SLIT3: variants seen among roughly 807,000 people sequenced by gnomAD.
SLIT3 encodes slit homolog 3 protein.
In SLIT3, 68 loss-of-function variants were observed where a neutral mutation model predicts 184.0. The ratio of observed to expected loss-of-function variants is 0.37; its 90% CI spans 0.30 to 0.45. The LOEUF (loss-of-function observed/expected upper bound fraction) is 0.45. Ranked by LOEUF, SLIT3 falls within the 20% of genes least tolerant of loss-of-function variation. The pLI is 1.00. For synonymous variants in SLIT3, 831 were observed against 828.6 expected (o/e 1.00, Z -0.05); for missense variants, 1,707 against 2,026.0 (o/e 0.84, Z 3.02).
intron 4 of SLIT3, among the ~76,000 whole-genome samples, chr5:169,025,510 T>C (rs1357590186): frequency 6.6e-6 from 1 of 152,186 alleles, no homozygotes; most frequent in Non-Finnish European, 1.5e-5. Flanking sequence ...ATCTTGTTCT[T>C]TCATGAACAT....
chr5:168,925,673 A>G (rs1761796661), intron 4 of SLIT3, among the ~76,000 whole-genome samples: 1 of 152,110 alleles, frequency 6.6e-6, no homozygotes, highest in Non-Finnish European at 1.5e-5. Context: ...TTAAAAAAAA[A>G]AAAAAAAGAG....
intron 3 of SLIT3, among the ~76,000 whole-genome samples, chr5:169,240,568 G>C (rs1444481574): frequency 8.3e-6 from 1 of 120,824 alleles, no homozygotes; most frequent in African/African-American, 3.1e-5. Flanking sequence ...GTGTTTTCAT[G>C]CTATCATTTT....
intron 4 of SLIT3, chr5:169,036,427 TG>T (rs1346960453): frequency 6.6e-6 from 1 of 152,228 alleles, no homozygotes; most frequent in Non-Finnish European, 1.5e-5. Context: ...CCTCCAATTA[TG>T]CATCAAATTC....
chr5:168,702,090 G>C (rs771567067), intron 26 of SLIT3, among the ~76,000 whole-genome samples: 1 of 152,226 alleles, frequency 6.6e-6, no homozygotes, highest in Non-Finnish European at 1.5e-5. Context: ...TTCTTGGAGG[G>C]GGACAGGGAG....
chr5:168,766,141 AT>A (rs1296266811), intron 14 of SLIT3, among the ~76,000 whole-genome samples: 6 of 152,158 alleles, frequency 3.9e-5, no homozygotes, highest in Non-Finnish European at 7.4e-5. Context: ...AACGGTATGC[AT>A]TTTGTATCAT....
At chr5:168,973,418 T>A (rs1425860168) in intron 4 of SLIT3, among the ~76,000 whole-genome samples, 3 of 152,134 alleles carry the variant, frequency 2.0e-5, no homozygotes, top group South Asian at 2.1e-4. Flanking sequence ...CAGCTCATTT[T>A]TCTATTTTTA....
chr5:168,771,289 T>C (rs1213260782), intron 14 of SLIT3, among the ~76,000 whole-genome samples: 1 of 152,098 alleles, frequency 6.6e-6, no homozygotes, highest in Non-Finnish European at 1.5e-5. Flanking sequence ...CTGAGGACAG[T>C]GTTCAGGGAG....
chr5:169,173,932 C>A (rs932840514), intron 4 of SLIT3, among the ~76,000 whole-genome samples: 2 of 152,202 alleles, frequency 1.3e-5, no homozygotes, highest in Non-Finnish European at 2.9e-5. Context: ...AGACCCCAGG[C>A]CCCATCCACA....
At chr5:169,132,936 G>A (rs1273094213) in intron 4 of SLIT3, among the ~76,000 whole-genome samples, 1 of 152,128 alleles carries the variant, frequency 6.6e-6, no homozygotes, top group African/African-American at 2.4e-5. Context: ...ATGACTTTTG[G>A]TATTATTTTT....
intron 4 of SLIT3, among the ~76,000 whole-genome samples, chr5:169,008,693 G>T (rs1756027084): frequency 6.6e-6 from 1 of 152,080 alleles, no homozygotes; most frequent in South Asian, 2.1e-4. Context: ...TAGAGACAGG[G>T]TCTCCGTATG....
At chr5:169,232,751 C>T (rs1765050707) in intron 3 of SLIT3, among the ~76,000 whole-genome samples, 1 of 152,148 alleles carries the variant, frequency 6.6e-6, no homozygotes, top group African/African-American at 2.4e-5. Flanking sequence ...ACTGTCTTTG[C>T]TTTTCTTGGT....
intron 4 of SLIT3, among the ~76,000 whole-genome samples, chr5:168,908,719 A>G (rs1347079826): frequency 6.6e-6 from 1 of 152,230 alleles, no homozygotes; most frequent in Admixed American, 6.5e-5. Context: ...GGTTCATTAC[A>G]GAACTCCTTT....
chr5:169,190,006 T>C (rs995341983), intron 4 of SLIT3, among the ~76,000 whole-genome samples: 2 of 152,362 alleles, frequency 1.3e-5, no homozygotes, highest in South Asian at 4.1e-4. Context: ...CTGTTGTTTT[T>C]ACATTTCACA....
At chr5:168,722,856 G>C in intron 22 of SLIT3, 77 bp downstream of exon 22, 1 of 1,124,312 alleles carries the variant, frequency 8.9e-7, no homozygotes, top group Non-Finnish European at 1.4e-6. Flanking sequence ...AACTAGTCCT[G>C]CTGGGAGGGA....
intron 32 of SLIT3, among the ~76,000 whole-genome samples, chr5:168,680,841 A>G (rs1761567861): frequency 6.6e-6 from 1 of 152,034 alleles, no homozygotes; most frequent in South Asian, 2.1e-4. Context: ...TCCTCCTCCA[A>G]GGTCCTCCAA....
At chr5:169,106,954 G>A (rs934121951) in intron 4 of SLIT3, among the ~76,000 whole-genome samples, 2 of 152,214 alleles carry the variant, frequency 1.3e-5, no homozygotes, top group Non-Finnish European at 2.9e-5. Flanking sequence ...TGCATCTAGG[G>A]ACAAGCTGCA....
intron 4 of SLIT3, among the ~76,000 whole-genome samples, chr5:168,957,767 A>G (rs1762876386): frequency 8.1e-6 from 1 of 123,172 alleles, no homozygotes; most frequent in Admixed American, 8.1e-5. Context: ...TCCACTGTGT[A>G]TGTGTTGGGG....
At chr5:168,731,378 CA>C (rs376640010) in intron 20 of SLIT3, among the ~76,000 whole-genome samples, 1 of 151,682 alleles carries the variant, frequency 6.6e-6, no homozygotes, top group Non-Finnish European at 1.5e-5. Flanking sequence ...AACAAGCACA[CA>C]AAAAACTAGT....
At chr5:169,040,265 G>A (rs749334590) in intron 4 of SLIT3, among the ~76,000 whole-genome samples, 12 of 151,824 alleles carry the variant, frequency 7.9e-5, no homozygotes, top group Non-Finnish European at 1.6e-4. Flanking sequence ...TTTCTATATT[G>A]GCTCAATAAA....
Sources: allele counts gnomAD v4.1 joint callset (sites outside exome capture counted in the v4.1 genomes callset), GRCh38; gene constraint gnomAD v4.1.1; transcripts MANE v1.5; gene names NCBI Gene and HGNC (gene_info 2026-07-23, HGNC 2026-07-21).